ACTR3C: variants seen among roughly 807,000 people sequenced by gnomAD.
ACTR3C encodes actin-related protein 3C.
A neutral mutation model predicts 26.3 loss-of-function variants in ACTR3C; 18 were observed. The observed-to-expected ratio is 0.68, with a 90% CI of 0.47 to 1.01. The LOEUF (loss-of-function observed/expected upper bound fraction) is 1.01. Ranked by LOEUF, ACTR3C falls within the 50% of genes least tolerant of loss-of-function variation. The probability of loss-of-function intolerance (pLI) is 0.00; values close to 1 mark genes in which losing one functional copy is unlikely to be tolerated. For synonymous variants in ACTR3C, 55 were observed against 94.5 expected (o/e 0.58, Z 2.42); for missense variants, 184 against 250.7 (o/e 0.73, Z 1.80).
At chr7:149,994,368 C>T in the ACTR3C span, among the ~76,000 whole-genome samples, 23 of 152,218 alleles carry the variant, frequency 1.5e-4, no homozygotes, top group Admixed American at 9.8e-4. Context: ...GAGGCTGAGG[C>T]GGGCGGATCA....
At chr7:150,175,031 G>A in the ACTR3C span, among the ~76,000 whole-genome samples, 1 of 146,488 alleles carries the variant, frequency 6.8e-6, no homozygotes, top group Non-Finnish European at 1.5e-5. Context: ...AAATGAAGAG[G>A]ATGTGGAACA....
At chr7:150,041,642 C>G in the ACTR3C span, among the ~76,000 whole-genome samples, 11 of 112,844 alleles carry the variant, frequency 9.7e-5, no homozygotes, top group African/African-American at 2.6e-4. Context: ...GTGCCTCCCC[C>G]CCCCTGCGAT....
chr7:150,104,063 C>T, the ACTR3C span, among the ~76,000 whole-genome samples: 2 of 151,628 alleles, frequency 1.3e-5, no homozygotes, highest in Non-Finnish European at 2.9e-5. Flanking sequence ...AATACACACC[C>T]TACATTCTGG....
intron 6 of ACTR3C, among the ~76,000 whole-genome samples, chr7:150,251,414 AAG>A (rs1832846487): frequency 6.6e-6 from 1 of 152,322 alleles, no homozygotes; most frequent in Middle Eastern, 3.4e-3. Context: ...TCAAATTTGA[AAG>A]AGAGTAAGAT....
At chr7:150,187,894 A>G in the ACTR3C span, among the ~76,000 whole-genome samples, 1 of 151,700 alleles carries the variant, frequency 6.6e-6, no homozygotes, top group African/African-American at 2.4e-5. Context: ...GAGATCTTTT[A>G]GAATATGCAA....
At chr7:150,034,975 T>G in the ACTR3C span, among the ~76,000 whole-genome samples, 2 of 100,804 alleles carry the variant, frequency 2.0e-5, no homozygotes, top group East Asian at 2.9e-4. Flanking sequence ...CCCACTCTCG[T>G]GGGGGGTGCC....
the ACTR3C span, among the ~76,000 whole-genome samples, chr7:149,916,849 G>A: frequency 6.6e-6 from 1 of 151,788 alleles, no homozygotes; most frequent in African/African-American, 2.4e-5. Context: ...AGAAGAGGAA[G>A]CTATGGAAGC....
chr7:149,992,999 C>T, the ACTR3C span, among the ~76,000 whole-genome samples: 3 of 151,658 alleles, frequency 2.0e-5, no homozygotes, highest in Non-Finnish European at 4.4e-5. Context: ...GTCTGATGTC[C>T]AAGGGCAGGA....
At chr7:150,197,242 A>G in the ACTR3C span, among the ~76,000 whole-genome samples, 1 of 152,158 alleles carries the variant, frequency 6.6e-6, no homozygotes, top group Non-Finnish European at 1.5e-5. Flanking sequence ...AAAGTCTTCA[A>G]GAGAATATGA....
the ACTR3C span, among the ~76,000 whole-genome samples, chr7:150,171,897 C>T: frequency 1.6e-4 from 24 of 150,764 alleles, no homozygotes; most frequent in Non-Finnish European, 3.1e-4. Flanking sequence ...CTGCAACCTC[C>T]ACCTCCTGGA....
the ACTR3C span, chr7:150,041,216 G>C: frequency 4.0e-5 from 6 of 150,668 alleles, no homozygotes; most frequent in Non-Finnish European, 4.4e-5. Context: ...CGACCCCTTT[G>C]TGACCTCATA....
chr7:150,261,526 C>A (rs1178020746), intron 6 of ACTR3C, among the ~76,000 whole-genome samples: 1 of 152,248 alleles, frequency 6.6e-6, no homozygotes, highest in Non-Finnish European at 1.5e-5. Flanking sequence ...CATGGTGAAA[C>A]CCCGTCTCTA....
At chr7:150,125,644 C>A in the ACTR3C span, among the ~76,000 whole-genome samples, 5 of 152,090 alleles carry the variant, frequency 3.3e-5, no homozygotes, top group Admixed American at 6.5e-5. Flanking sequence ...TGGCTATACA[C>A]CCGAATTCCC....
the ACTR3C span, among the ~76,000 whole-genome samples, chr7:150,199,115 C>G: frequency 6.6e-6 from 1 of 150,628 alleles, no homozygotes; most frequent in Admixed American, 6.6e-5. Flanking sequence ...TGCCCAACAG[C>G]TCATTGAGAA....
intron 5 of ACTR3C, among the ~76,000 whole-genome samples, chr7:150,286,130 A>T (rs186992325): frequency 5.9e-5 from 9 of 152,236 alleles, no homozygotes; most frequent in African/African-American, 1.9e-4. Flanking sequence ...TCGCTCCTAA[A>T]AGTCTTCCTA....
chr7:150,080,034 C>T, the ACTR3C span, among the ~76,000 whole-genome samples: 6 of 152,284 alleles, frequency 3.9e-5, no homozygotes, highest in Non-Finnish European at 8.8e-5. Context: ...GACAAGTCAG[C>T]ACGGCAAGAA....
the ACTR3C span, among the ~76,000 whole-genome samples, chr7:149,962,212 A>G: frequency 6.6e-6 from 1 of 152,220 alleles, no homozygotes; most frequent in Admixed American, 6.5e-5. Flanking sequence ...GTGGGCTCAT[A>G]GGAGGTGTTC....
the ACTR3C span, among the ~76,000 whole-genome samples, chr7:150,112,791 T>A: frequency 6.6e-6 from 1 of 152,154 alleles, no homozygotes; most frequent in African/African-American, 2.4e-5. Context: ...AGGGACTGGC[T>A]TCCAGGGTTC....
the ACTR3C span, among the ~76,000 whole-genome samples, chr7:149,942,326 T>A: frequency 6.6e-6 from 1 of 152,162 alleles, no homozygotes; most frequent in Non-Finnish European, 1.5e-5. Context: ...GTTCCATCTA[T>A]GGTTTTGTTC....
Sources: allele counts gnomAD v4.1 joint callset (sites outside exome capture counted in the v4.1 genomes callset), GRCh38; gene constraint gnomAD v4.1.1; transcripts MANE v1.5; gene names NCBI Gene and HGNC (gene_info 2026-07-23, HGNC 2026-07-21).